The following TMEM132B variants were observed in gnomAD, a reference collection of about 807,000 sequenced individuals.
TMEM132B encodes transmembrane protein 132B.
TMEM132B carries 18 observed loss-of-function variants against 90.8 expected under a neutral mutation model. The ratio of observed to expected loss-of-function variants is 0.20; its 90% CI spans 0.14 to 0.29. TMEM132B has a LOEUF of 0.29. TMEM132B is among the 10% of genes least tolerant of loss of function. The probability of loss-of-function intolerance (pLI) is 1.00; values close to 1 mark genes in which losing one functional copy is unlikely to be tolerated. For missense variants in TMEM132B, 1,096 were observed against 1,326.8 expected, an observed-to-expected ratio of 0.83 and a Z score of 2.70; for synonymous variants, 504 against 523.3, an observed-to-expected ratio of 0.96 and a Z score of 0.50.
At position 125,400,040 on chromosome 12, in the gene TMEM132B, T is replaced by C. The variant is rs11058158; in HGVS notation, c.960-15491T>C. 4.4e-4 allele frequency among the ~76,000 whole-genome samples: 67 copies of C among 152,314 alleles called. No individual in the cohort carries two copies. The East Asian group carries it at 0.011, about 24-fold the overall frequency. On this transcript the variant is annotated intron_variant, in intron 2 of 8. Transcript: ENST00000682704. ...CAATTGTAGCTGCGATGATTGTTCT[T>C]ATCTGTAGTTCTCTCTTGCTTTGAT...
rs1203164166 is a variant in TMEM132B at position 125,660,053 on chromosome 12, A to T, written c.*5343A>T. The T allele has an allele frequency of 6.6e-6, 1 of 152,608 alleles. No individual in the cohort carries two copies. The highest frequency in any genetic ancestry group is 2.4e-5 in the African/African-American group (1 of 41,468). The allele number at this position is 152,608 out of a possible 1,614,324, so 9.5% of individuals were successfully genotyped here. ...CACCTGAAGTCAGGAGTTTGAGACC[A>T]GCCTGGGCAACATGGTGAAACCCTG... On this transcript the variant is annotated 3_prime_UTR_variant, in exon 9 of 9. Transcript: ENST00000682704.
intron 5 of TMEM132B, among the ~76,000 whole-genome samples, chr12:125,591,474 C>T (rs574697029): frequency 2.6e-5 from 4 of 152,152 alleles, no homozygotes; most frequent in Non-Finnish European, 5.9e-5. Context: ...CTTACAAGGA[C>T]CCTTGTGATT....
chr12:125,550,244 A>G (rs971579153), intron 4 of TMEM132B, among the ~76,000 whole-genome samples: 1 of 152,180 alleles, frequency 6.6e-6, no homozygotes, highest in Admixed American at 6.5e-5. Flanking sequence ...ATACCCACTC[A>G]TGAGGGCTGA....
At chr12:125,622,502 A>G in intron 5 of TMEM132B, 1 of 985,420 alleles carries the variant, frequency 1.0e-6, no homozygotes, top group Non-Finnish European at 1.2e-6. Flanking sequence ...ACTCACAGTC[A>G]AGAAAGGTGT....
At chr12:125,506,373 C>T (rs796843358) in intron 3 of TMEM132B, among the ~76,000 whole-genome samples, 14 of 152,060 alleles carry the variant, frequency 9.2e-5, no homozygotes, top group African/African-American at 3.1e-4. Context: ...GTGTGGCAAG[C>T]GAGTTGTCTG....
chr12:125,516,411 C>T (rs1294101823), intron 3 of TMEM132B, among the ~76,000 whole-genome samples: 1 of 152,170 alleles, frequency 6.6e-6, no homozygotes, highest in Non-Finnish European at 1.5e-5. Flanking sequence ...AGCAAGCATG[C>T]CCATTGCCTA....
intron 1 of TMEM132B, among the ~76,000 whole-genome samples, chr12:125,338,282 G>A (rs1877041093): frequency 6.6e-6 from 1 of 152,200 alleles, no homozygotes; most frequent in African/African-American, 2.4e-5. Flanking sequence ...ATCCCATGCT[G>A]TGACCAGCTC....
chr12:125,409,648 GTGGAGTGGAGTGGAGT>G (rs2136338287), intron 2 of TMEM132B, among the ~76,000 whole-genome samples: 2 of 90,682 alleles, frequency 2.2e-5, no homozygotes, highest in African/African-American at 4.4e-5. Context: ...GAGGAGTGGA[GTGGAGTGGAGTGGAGT>G]GAGTGGAGTG....
chr12:125,397,863 A>G (rs1879211304), intron 2 of TMEM132B, among the ~76,000 whole-genome samples: 1 of 152,246 alleles, frequency 6.6e-6, no homozygotes, highest in South Asian at 2.1e-4. Context: ...ATAGTGGGAC[A>G]ATAACGGACT....
chr12:125,359,260 ATC>A (rs1355374898), intron 2 of TMEM132B, among the ~76,000 whole-genome samples: 1 of 152,200 alleles, frequency 6.6e-6, no homozygotes, highest in African/African-American at 2.4e-5. Context: ...GTGCTTAGTA[ATC>A]TCTAACCAGA....
At chr12:125,467,453 T>C (rs568978283) in intron 3 of TMEM132B, among the ~76,000 whole-genome samples, 2 of 152,032 alleles carry the variant, frequency 1.3e-5, no homozygotes, top group South Asian at 2.1e-4. Flanking sequence ...CTTCTTCTTC[T>C]CCTTTGGAAA....
intron 4 of TMEM132B, among the ~76,000 whole-genome samples, chr12:125,551,097 G>T (rs1884218104): frequency 6.6e-6 from 1 of 152,266 alleles, no homozygotes. Context: ...ACAGGCGTGA[G>T]CCACTGTGTC....
At chr12:125,228,638 G>T (rs1004878656) in intron 1 of TMEM132B, among the ~76,000 whole-genome samples, 1 of 152,208 alleles carries the variant, frequency 6.6e-6, no homozygotes, top group Non-Finnish European at 1.5e-5. Flanking sequence ...TGGTTGGAAC[G>T]TGTGGGGACA....
At chr12:125,534,773 C>A (rs1231608887) in intron 4 of TMEM132B, among the ~76,000 whole-genome samples, 1 of 151,980 alleles carries the variant, frequency 6.6e-6, no homozygotes, top group East Asian at 1.9e-4. Context: ...CTTTCAGATG[C>A]CACAATTTAA....
At chr12:125,613,158 A>G (rs1301419260) in intron 5 of TMEM132B, among the ~76,000 whole-genome samples, 1 of 123,676 alleles carries the variant, frequency 8.1e-6, no homozygotes, top group African/African-American at 3.1e-5. Flanking sequence ...TATATCATAT[A>G]TATTTATATA....
chr12:125,236,752 A>T (rs768430539), intron 1 of TMEM132B, among the ~76,000 whole-genome samples: 5 of 151,968 alleles, frequency 3.3e-5, no homozygotes, highest in Admixed American at 6.6e-5. Flanking sequence ...CTGGCCACTT[A>T]CCCTGGCTTC....
chr12:125,575,331 G>A (rs1884917837), intron 4 of TMEM132B, among the ~76,000 whole-genome samples: 1 of 151,364 alleles, frequency 6.6e-6, no homozygotes, highest in Non-Finnish European at 1.5e-5. Flanking sequence ...ATCTTTTCAT[G>A]TGTTTATTGG....
chr12:125,557,497 AATCT>A (rs904137766), intron 4 of TMEM132B, among the ~76,000 whole-genome samples: 63 of 152,312 alleles, frequency 4.1e-4, no homozygotes, highest in African/African-American at 1.3e-3. Flanking sequence ...CTATCTTATC[AATCT>A]ATCTTATTTA....
Position 125,350,357 on chromosome 12 carries a change from C to T in TMEM132B, c.959+14C>T, listed in dbSNP as rs1326577709. 1.3e-6 allele frequency: 2 copies of T among 1,598,810 alleles called. No homozygotes were observed. Among genetic ancestry groups the T allele is most frequent in the Admixed American group, 1.7e-5 (1 of 58,644 alleles). On this transcript the variant is annotated intron_variant, in intron 2 of 8. Transcript: ENST00000682704. ...GTTCACTCTTAGGTAAGAGGCTTTG[C>T]CAGGTGGGATGGAACAGAAGCCAAC...
Sources: allele counts gnomAD v4.1 joint callset (sites outside exome capture counted in the v4.1 genomes callset), GRCh38; gene constraint gnomAD v4.1.1; transcripts MANE v1.5; gene names NCBI Gene and HGNC (gene_info 2026-07-23, HGNC 2026-07-21).